CADPS2: variants seen among roughly 807,000 people sequenced by gnomAD.
CADPS2 encodes calcium dependent secretion activator 2, also known as calcium-dependent secretion activator 2.
In CADPS2, 93 loss-of-function variants were observed where a neutral mutation model predicts 172.5. The ratio of observed to expected loss-of-function variants is 0.54; its 90% CI spans 0.46 to 0.64. CADPS2 has a LOEUF of 0.64. Ranked by LOEUF, CADPS2 falls within the 30% of genes least tolerant of loss-of-function variation. The probability of loss-of-function intolerance (pLI) is 0.00; values close to 1 mark genes in which losing one functional copy is unlikely to be tolerated. For synonymous variants in CADPS2, 546 were observed against 555.2 expected (o/e 0.98, Z 0.23); for missense variants, 1,420 against 1,565.9 (o/e 0.91, Z 1.57).
intron 8 of CADPS2, among the ~76,000 whole-genome samples, chr7:122,541,650 CAT>C (rs1047724229): frequency 5.0e-5 from 7 of 140,324 alleles, no homozygotes; most frequent in Non-Finnish European, 1.1e-4. Context: ...CATATATATT[CAT>C]ATCTTTATAT....
chr7:122,809,533 T>G lies in CADPS2; in HGVS notation c.340-72465A>C, dbSNP rs906397407. ...AAGCAGACGTTGCAGTGCGCTGAGA[T>G]CGTGCCATTGCACTCCAGCCTGGGC... is the stretch of plus-strand genomic sequence containing the variant. On this transcript the variant is annotated intron_variant, in intron 1 of 29. Coordinates refer to ENST00000449022, the MANE Select transcript of CADPS2 (RefSeq NM_017954.11). 2.0e-4 allele frequency among the ~76,000 whole-genome samples: 30 copies of G among 149,952 alleles called. No individual in the cohort carries two copies. In the Admixed American group the frequency reaches 2.0e-3, roughly 10 times the overall value.
At chr7:122,844,763 A>T (rs1306283775) in intron 1 of CADPS2, among the ~76,000 whole-genome samples, 1 of 152,198 alleles carries the variant, frequency 6.6e-6, no homozygotes, top group African/African-American at 2.4e-5. Context: ...AGGAAGTCTG[A>T]TGTGATTAAA....
chr7:122,343,442 T>C (rs1325868214), intron 28 of CADPS2, among the ~76,000 whole-genome samples: 1 of 152,232 alleles, frequency 6.6e-6, no homozygotes, highest in Non-Finnish European at 1.5e-5. Flanking sequence ...AGAGCCACTT[T>C]AGTTCCCTCT....
chr7:122,651,818 G>A (rs1216630871), intron 3 of CADPS2, among the ~76,000 whole-genome samples: 3 of 152,144 alleles, frequency 2.0e-5, no homozygotes, highest in Admixed American at 1.3e-4. Context: ...CATTTTAAGA[G>A]ACAAATATAG....
At chr7:122,712,159 T>TC (rs565183226) in intron 2 of CADPS2, among the ~76,000 whole-genome samples, 1 of 152,088 alleles carries the variant, frequency 6.6e-6, no homozygotes, top group African/African-American at 2.4e-5. Context: ...TGTTACTTTT[T>TC]CCCCCTCTTA....
intron 3 of CADPS2, among the ~76,000 whole-genome samples, chr7:122,659,157 G>A (rs546492239): frequency 8.4e-4 from 127 of 151,976 alleles, no homozygotes; most frequent in African/African-American, 2.7e-3. Flanking sequence ...ATTCAGATAC[G>A]AGACAGATGT....
intron 24 of CADPS2, among the ~76,000 whole-genome samples, chr7:122,381,229 G>A (rs1360399453): frequency 6.6e-6 from 1 of 152,098 alleles, no homozygotes; most frequent in Non-Finnish European, 1.5e-5. Context: ...CTCCCACTCT[G>A]CCACTCTTGT....
At chr7:122,605,401 AT>A (rs2073384774) in intron 6 of CADPS2, among the ~76,000 whole-genome samples, 1 of 152,170 alleles carries the variant, frequency 6.6e-6, no homozygotes, top group African/African-American at 2.4e-5. Context: ...TGGACTGGTC[AT>A]TCATATATGC....
At chr7:122,391,992 A>C (rs1445691406) in intron 22 of CADPS2, among the ~76,000 whole-genome samples, 1 of 152,114 alleles carries the variant, frequency 6.6e-6, no homozygotes, top group African/African-American at 2.4e-5. Context: ...AGTTTCCTTA[A>C]CTGTAAAATG....
intron 7 of CADPS2, among the ~76,000 whole-genome samples, chr7:122,575,405 A>C (rs1236195529): frequency 1.3e-5 from 2 of 151,736 alleles, no homozygotes; most frequent in Non-Finnish European, 2.9e-5. Context: ...ATGTAAGGAA[A>C]TGTTCAATTC....
intron 1 of CADPS2, among the ~76,000 whole-genome samples, chr7:122,819,327 TG>T (rs1802437991): frequency 6.6e-6 from 1 of 152,182 alleles, no homozygotes. Flanking sequence ...CCAGAGCCCC[TG>T]GAACTCTGGC....
intron 8 of CADPS2, among the ~76,000 whole-genome samples, chr7:122,518,555 T>C (rs996397920): frequency 6.6e-6 from 1 of 152,118 alleles, no homozygotes; most frequent in Non-Finnish European, 1.5e-5. Flanking sequence ...GAAATGCGTG[T>C]GTCAGGCTGA....
intron 8 of CADPS2, among the ~76,000 whole-genome samples, chr7:122,552,429 T>A (rs1223299063): frequency 6.6e-6 from 1 of 152,170 alleles, no homozygotes; most frequent in African/African-American, 2.4e-5. Context: ...GACGATGATA[T>A]ATCCTCTTTA....
intron 2 of CADPS2, among the ~76,000 whole-genome samples, chr7:122,721,672 C>T (rs1055817304): frequency 6.6e-6 from 1 of 152,080 alleles, no homozygotes; most frequent in African/African-American, 2.4e-5. Flanking sequence ...AGAGGGAATC[C>T]TCCCTAACTC....
At chr7:122,544,515 A>C (rs1233045549) in intron 8 of CADPS2, among the ~76,000 whole-genome samples, 1 of 152,064 alleles carries the variant, frequency 6.6e-6, no homozygotes, top group African/African-American at 2.4e-5. Flanking sequence ...GCCATGACCA[A>C]CTCGTGGGTC....
At chr7:122,869,990 T>C (rs1024117336) in intron 1 of CADPS2, among the ~76,000 whole-genome samples, 4 of 151,910 alleles carry the variant, frequency 2.6e-5, no homozygotes, top group Admixed American at 6.6e-5. Context: ...AAGCATACCA[T>C]AGAGAAATCC....
At chr7:122,381,550 C>G (rs1317470475) in intron 24 of CADPS2, among the ~76,000 whole-genome samples, 2 of 152,094 alleles carry the variant, frequency 1.3e-5, no homozygotes, top group Non-Finnish European at 2.9e-5. Flanking sequence ...ACATGTTAAA[C>G]TTTTGGGTTG....
At chr7:122,389,935 C>T (rs1240905821) in intron 22 of CADPS2, among the ~76,000 whole-genome samples, 4 of 151,982 alleles carry the variant, frequency 2.6e-5, no homozygotes, top group African/African-American at 7.2e-5. Context: ...CACATTGTTT[C>T]GCTAAATATA....
At chr7:122,640,627 TA>T (rs1278111011) in intron 3 of CADPS2, among the ~76,000 whole-genome samples, 1 of 151,354 alleles carries the variant, frequency 6.6e-6, no homozygotes, top group Non-Finnish European at 1.5e-5. Context: ...AAATAAAAAA[TA>T]AAAATAAAAA....
Sources: allele counts gnomAD v4.1 joint callset (sites outside exome capture counted in the v4.1 genomes callset), GRCh38; gene constraint gnomAD v4.1.1; transcripts MANE v1.5; gene names NCBI Gene and HGNC (gene_info 2026-07-23, HGNC 2026-07-21).